The following TRIM37 variants were observed in gnomAD, a reference collection of about 807,000 sequenced individuals.
TRIM37 encodes the protein tripartite motif containing 37.
A neutral mutation model predicts 129.8 loss-of-function variants in TRIM37; 80 were observed. That is an observed-to-expected ratio of 0.62 (90% CI 0.51 to 0.74). TRIM37 has a LOEUF of 0.74. Among genes scored for constraint, TRIM37 ranks in the 30% least tolerant of loss-of-function variants. The pLI is 0.00. For synonymous variants in TRIM37, 389 were observed against 387.1 expected, an observed-to-expected ratio of 1.00 and a Z score of -0.06; for missense variants, 1,054 against 1,176.5, an observed-to-expected ratio of 0.90 and a Z score of 1.52.
chr17:59,076,123 G>A (rs2042790360), intron 7 of TRIM37, among the ~76,000 whole-genome samples: 1 of 152,118 alleles, frequency 6.6e-6, no homozygotes, highest in Admixed American at 6.6e-5. Context: ...AATACAAAGT[G>A]GGCCAGATTT....
intron 17 of TRIM37, among the ~76,000 whole-genome samples, chr17:59,036,080 G>T (rs1366190307): frequency 6.6e-6 from 1 of 152,106 alleles, no homozygotes; most frequent in African/African-American, 2.4e-5. Context: ...ATCAGTGCTG[G>T]ATTTTCATTT....
Position 59,106,751 on chromosome 17 carries a change from C to T in TRIM37, c.-290G>A, listed in dbSNP as rs1285881572. 5.3e-6 allele frequency: 3 copies of T among 568,898 alleles called. No individual in the cohort carries two copies. The highest frequency in any genetic ancestry group is 3.9e-5 in the African/African-American group (2 of 51,638). The allele number at this position is 568,898 out of a possible 1,614,324, so 35.2% of individuals were successfully genotyped here. A position where few individuals can be genotyped will look rare whatever the true frequency, so the allele number is the denominator to read the frequency against. Reference sequence around the variant, plus strand: ...CGCCGGCCAGCAGCCGCGCCGGAACCTCGGCCCACGTGACGCGGGCGCGCG... The same window carrying T: ...CGCCGGCCAGCAGCCGCGCCGGAACTTCGGCCCACGTGACGCGGGCGCGCG... On this transcript the variant is annotated 5_prime_UTR_variant, in exon 1 of 24. Coordinates refer to ENST00000262294, the MANE Select transcript of TRIM37 (RefSeq NM_015294.6).
intron 17 of TRIM37, among the ~76,000 whole-genome samples, chr17:59,039,677 CTT>C (rs2038944854): frequency 6.6e-6 from 1 of 151,932 alleles, no homozygotes; most frequent in East Asian, 1.9e-4. Context: ...AATTAAAGCT[CTT>C]CTCTCCAAAT....
rs7222388 is a variant in TRIM37, at chr17:59,015,674, C to T, written c.2512G>A (p.Val838Ile). 3,412 of 1,614,126 alleles carry T rather than the reference C, an allele frequency of 2.1e-3. 67 individuals carry two copies. In the African/African-American group the frequency reaches 0.037, roughly 17 times the overall value. Residue 838 changes from valine (V) to isoleucine (I), a missense_variant, in exon 21 of 24, where the codon GTT (valine) becomes ATT (isoleucine). Val to Ile is a conservative substitution (Grantham distance 29, BLOSUM62 3). This residue lies in a region of TRIM37 where 287 missense variants were observed against 274.3 expected (regional missense o/e 1.05). Transcript: ENST00000262294. The stretch of plus-strand genomic sequence containing the variant: ...AAGCCACTGAAAACTGCAACCACAA[C>T]AGCATCTGAATCCAAAGCTTTACAC... ...RQCKALDSDA[V>I]VVAVFSGLPA...
chr17:59,091,358 T>TA lies in TRIM37; in HGVS notation c.124-19dup. On this transcript the variant is annotated intron_variant, in intron 2 of 23. Coordinates refer to ENST00000262294, the MANE Select transcript of TRIM37 (RefSeq NM_015294.6). Reference sequence around the variant, plus strand: ...AGCCAGCGCTAAGGGGGCAAAAGATTAGATATCGATTAGAAAACATCATTA... The same window carrying TA: ...AGCCAGCGCTAAGGGGGCAAAAGATTAAGATATCGATTAGAAAACATCATTA... The TA allele has an allele frequency of 6.6e-7, 1 of 1,504,232 alleles. No individual in the cohort carries two copies. The allele number at this position is 1,504,232 out of a possible 1,614,324, so 93.2% of individuals were successfully genotyped here. A position where few individuals can be genotyped will look rare whatever the true frequency, so the allele number is the denominator to read the frequency against.
downstream of TRIM37, among the ~76,000 whole-genome samples, chr17:58,994,504 T>C (rs2064840005): frequency 1.3e-5 from 2 of 152,140 alleles, no homozygotes; most frequent in Admixed American, 1.3e-4. Flanking sequence ...GGAGGATTGC[T>C]TGAGCCTAAG....
intron 22 of TRIM37, among the ~76,000 whole-genome samples, chr17:59,011,095 G>C (rs897441530): frequency 6.6e-6 from 1 of 151,826 alleles, no homozygotes; most frequent in Admixed American, 6.6e-5. Context: ...CTTGAACCCG[G>C]GAGTTGGAGG....
At chr17:59,101,398 G>A (rs2147598637) in intron 2 of TRIM37, among the ~76,000 whole-genome samples, 1 of 152,054 alleles carries the variant, frequency 6.6e-6, no homozygotes, top group South Asian at 2.1e-4. Flanking sequence ...CAGACAGAAA[G>A]TAATTAAATA....
chr17:59,106,803 C>G lies in TRIM37; in HGVS notation c.-342G>C. 1 of 497,764 alleles carries G rather than the reference C, an allele frequency of 2.0e-6. No individual in the cohort carries two copies. Among genetic ancestry groups the G allele is most frequent in the South Asian group, 2.3e-5 (1 of 43,656 alleles). 30.8% of individuals were successfully genotyped at this position (497,764 alleles called of 1,614,324 possible). A position where few individuals can be genotyped will look rare whatever the true frequency, so the allele number is the denominator to read the frequency against. ...CTATGGAACTGACGGTGGAGTTCAG[C>G]GAAGAAGGTGCCGCAGAGAATTCGC... On this transcript the variant is annotated 5_prime_UTR_variant, in exon 1 of 24. Coordinates refer to ENST00000262294, the MANE Select transcript of TRIM37 (RefSeq NM_015294.6).
chr17:59,079,431 G>A (rs924101128), intron 7 of TRIM37, among the ~76,000 whole-genome samples: 2 of 152,156 alleles, frequency 1.3e-5, no homozygotes, highest in Non-Finnish European at 2.9e-5. Context: ...CAATGAAAAT[G>A]GATGGAAAGG....
At chr17:58,977,370 G>C in the TRIM37 span, among the ~76,000 whole-genome samples, 1 of 151,516 alleles carries the variant, frequency 6.6e-6, no homozygotes, top group African/African-American at 2.4e-5. Context: ...TTGAATCCGG[G>C]AGGTGGAGGT....
At position 59,049,249 on chromosome 17, in the gene TRIM37, T is replaced by C; in HGVS notation, c.1459A>G (p.Thr487Ala). 1 of 1,614,200 alleles carries C rather than the reference T, an allele frequency of 6.2e-7. No homozygotes were observed. The highest frequency in any genetic ancestry group is 8.5e-7 in the Non-Finnish European group (1 of 1,180,024). Residue 487 changes from threonine (T) to alanine (A), a missense_variant, in exon 15 of 24, where the codon ACT becomes GCT. By Grantham distance (58) the Thr-to-Ala change is moderately conservative. This residue lies in a region of TRIM37 where 752 missense variants were observed against 870.8 expected (regional missense o/e 0.86). Transcript: ENST00000262294. ...CSDMLLEGGP[T>A]TASVREAKED... ...TTGGCCTCTCTTACAGAAGCTGTAG[T>C]AGGACCACCTTCGAGAAGCATGTCA...
chr17:59,082,704 A>G (rs1056027293), intron 5 of TRIM37, among the ~76,000 whole-genome samples: 5 of 152,236 alleles, frequency 3.3e-5, no homozygotes, highest in African/African-American at 1.2e-4. Context: ...CAGAATTATT[A>G]AATTTTAATA....
intron 22 of TRIM37, among the ~76,000 whole-genome samples, chr17:59,010,268 A>AAACACTACTGGTATCTAGTGGTT (rs1264359506): frequency 1.3e-5 from 2 of 152,200 alleles, no homozygotes; most frequent in Admixed American, 6.6e-5. Context: ...AACCGGAGGG[A>AAACACTACTGGTATCTAGTGGTT]AACACTACTG....
At chr17:59,094,955 C>T (rs994912581) in intron 2 of TRIM37, among the ~76,000 whole-genome samples, 5 of 152,160 alleles carry the variant, frequency 3.3e-5, no homozygotes, top group Non-Finnish European at 5.9e-5. Context: ...GTGGCTCACA[C>T]CTTTAATCCC....
Position 59,104,348 on chromosome 17 carries a change from C to G in TRIM37, c.68G>C (p.Arg23Pro). The G allele has an allele frequency of 6.2e-7, 1 of 1,614,174 alleles. No individual in the cohort carries two copies. The highest frequency in any genetic ancestry group is 1.1e-5 in the South Asian group (1 of 91,078). Residue 23 changes from arginine to proline, a missense_variant, in exon 2 of 24, where the codon CGG becomes CCG. Around this residue, in one of 3 missense-constraint regions of TRIM37, gnomAD observed 752 missense variants for 870.8 expected, o/e 0.86. Coordinates refer to ENST00000262294, the MANE Select transcript of TRIM37 (RefSeq NM_015294.6). The stretch of plus-strand genomic sequence containing the variant: ...GCAATGAGGACACAGGCGTGCATCC[C>G]GCAATTTCTCCATACAAATGAAACA... ...FRCFICMEKL[R>P]DARLCPHCSK...
At chr17:58,968,027 C>T in the TRIM37 span, among the ~76,000 whole-genome samples, 1 of 152,094 alleles carries the variant, frequency 6.6e-6, no homozygotes, top group African/African-American at 2.4e-5. Context: ...TGGTCTTGAT[C>T]TCTTGACCTT....
chr17:59,022,978 T>C (rs2036785165), intron 19 of TRIM37, among the ~76,000 whole-genome samples: 1 of 152,168 alleles, frequency 6.6e-6, no homozygotes. Context: ...CACTTAATAT[T>C]CGAATTTTTT....
chr17:59,099,208 G>C (rs1356786189), intron 2 of TRIM37, among the ~76,000 whole-genome samples: 1 of 151,760 alleles, frequency 6.6e-6, no homozygotes, highest in Non-Finnish European at 1.5e-5. Flanking sequence ...TAAGAAAAAG[G>C]ATAAACAAAA....
Sources: allele counts gnomAD v4.1 joint callset (sites outside exome capture counted in the v4.1 genomes callset), GRCh38; gene constraint gnomAD v4.1.1; regional missense constraint gnomAD v4.1.1; transcripts MANE v1.5; gene names NCBI Gene and HGNC (gene_info 2026-07-23, HGNC 2026-07-21).